The following RASGRF2 variants were observed in gnomAD, a reference collection of about 807,000 sequenced individuals.
The protein encoded by RASGRF2 is Ras protein specific guanine nucleotide releasing factor 2.
RASGRF2 carries 76 observed loss-of-function variants against 151.0 expected under a neutral mutation model. That is an observed-to-expected ratio of 0.50 (90% CI 0.42 to 0.61). The LOEUF (loss-of-function observed/expected upper bound fraction) is 0.61. Among genes scored for constraint, RASGRF2 ranks in the 20% least tolerant of loss-of-function variants. RASGRF2 has a pLI of 0.00. For synonymous variants in RASGRF2, 504 were observed against 566.5 expected (o/e 0.89, Z 1.57); for missense variants, 1,148 against 1,564.6 (o/e 0.73, Z 4.49).
intron 9 of RASGRF2, chr5:81,087,418 C>T: frequency 1.5e-6 from 1 of 679,360 alleles, no homozygotes. Flanking sequence ...ATCCGCCCCA[C>T]ACGATATAAT....
chr5:81,101,442 G>C (rs1156412593), intron 12 of RASGRF2, among the ~76,000 whole-genome samples: 1 of 151,240 alleles, frequency 6.6e-6, no homozygotes, highest in Non-Finnish European at 1.5e-5. Flanking sequence ...TTCTCTGGTT[G>C]AAATAAAATT....
intron 16 of RASGRF2, among the ~76,000 whole-genome samples, chr5:81,125,364 G>C (rs1307780427): frequency 2.0e-5 from 3 of 152,212 alleles, no homozygotes; most frequent in Admixed American, 2.0e-4. Flanking sequence ...TTAGATGTCT[G>C]CCTTTGTGGA....
At chr5:81,216,083 A>G (rs1755729056) in intron 24 of RASGRF2, 128 bp downstream of exon 24, 6 of 963,212 alleles carry the variant, frequency 6.2e-6, no homozygotes, top group African/African-American at 1.7e-5. Context: ...AACAACTTGT[A>G]TCATCTAGGT....
intron 18 of RASGRF2, among the ~76,000 whole-genome samples, chr5:81,184,280 T>G (rs1445382104): frequency 3.3e-5 from 5 of 152,182 alleles, no homozygotes; most frequent in Non-Finnish European, 7.3e-5. Flanking sequence ...ACATATCGTT[T>G]ACACAATTCC....
intron 17 of RASGRF2, among the ~76,000 whole-genome samples, chr5:81,176,991 G>T (rs1297068083): frequency 6.6e-6 from 1 of 152,092 alleles, no homozygotes; most frequent in African/African-American, 2.4e-5. Flanking sequence ...GTTTATGTGG[G>T]CGTCTCAGTT....
intron 2 of RASGRF2, among the ~76,000 whole-genome samples, chr5:81,051,481 C>G (rs1751009174): frequency 6.6e-6 from 1 of 152,180 alleles, no homozygotes; most frequent in African/African-American, 2.4e-5. Context: ...AGCTGTCACT[C>G]TCAATTCCCC....
intron 5 of RASGRF2, among the ~76,000 whole-genome samples, chr5:81,074,335 G>A (rs1461006445): frequency 6.6e-6 from 1 of 152,132 alleles, no homozygotes; most frequent in Non-Finnish European, 1.5e-5. Flanking sequence ...TGGGAGAAGG[G>A]GGTCAAGGGA....
intron 2 of RASGRF2, among the ~76,000 whole-genome samples, chr5:81,053,009 A>G (rs1311398471): frequency 6.6e-6 from 1 of 152,174 alleles, no homozygotes. Context: ...CCCATAAATT[A>G]GATTCTTAAG....
chr5:81,118,747 A>G (rs182971462), intron 15 of RASGRF2, among the ~76,000 whole-genome samples: 156 of 152,254 alleles, frequency 1.0e-3, no homozygotes, highest in African/African-American at 3.6e-3. Flanking sequence ...TTCCTCTTGC[A>G]TATATTTAAA....
chr5:81,123,053 G>A (rs566643873), intron 15 of RASGRF2, among the ~76,000 whole-genome samples: 2 of 152,252 alleles, frequency 1.3e-5, no homozygotes, highest in East Asian at 3.9e-4. Context: ...GCCACATGTG[G>A]CTGCTGAGCA....
At chr5:81,140,362 A>G (rs1753854763) in intron 17 of RASGRF2, among the ~76,000 whole-genome samples, 1 of 152,124 alleles carries the variant, frequency 6.6e-6, no homozygotes, top group Non-Finnish European at 1.5e-5. Flanking sequence ...TTTAAACATT[A>G]TTTCACTAAA....
intron 17 of RASGRF2, among the ~76,000 whole-genome samples, chr5:81,175,928 T>C (rs899822558): frequency 2.0e-5 from 3 of 152,192 alleles, no homozygotes; most frequent in African/African-American, 7.2e-5. Flanking sequence ...CTTGGGACAA[T>C]TTAGAAATGC....
intron 16 of RASGRF2, among the ~76,000 whole-genome samples, chr5:81,126,216 T>C (rs752923430): frequency 1.3e-5 from 2 of 152,132 alleles, no homozygotes; most frequent in Non-Finnish European, 2.9e-5. Flanking sequence ...GTCCGAGGAG[T>C]GAAAGGGACT....
At chr5:81,013,544 C>G (rs1351722547) in intron 1 of RASGRF2, among the ~76,000 whole-genome samples, 1 of 151,842 alleles carries the variant, frequency 6.6e-6, no homozygotes, top group Non-Finnish European at 1.5e-5. Context: ...ATCAAATCCT[C>G]TCTTGAATTT....
At position 80,983,613 on chromosome 5, in the gene RASGRF2, G is replaced by A. The variant is rs555898299; in HGVS notation, c.288+22587G>A. 5.9e-5 allele frequency among the ~76,000 whole-genome samples: 9 copies of A among 152,302 alleles called. No homozygotes were observed. The East Asian group carries it at 1.5e-3, about 26-fold the overall frequency. ...AAATATTTACTATCTTGCCCTTTAC[G>A]GAAAACATTTGCCAACCTCTGCTTT... On this transcript the variant is annotated intron_variant, in intron 1 of 26. Transcript: ENST00000265080.
At chr5:81,030,864 A>G (rs1750215509) in intron 1 of RASGRF2, among the ~76,000 whole-genome samples, 1 of 152,232 alleles carries the variant, frequency 6.6e-6, no homozygotes, top group Non-Finnish European at 1.5e-5. Flanking sequence ...GCAAATGGAT[A>G]AAGAGTCAAG....
intron 21 of RASGRF2, among the ~76,000 whole-genome samples, chr5:81,208,132 A>G (rs745584751): frequency 1.3e-5 from 2 of 152,214 alleles, no homozygotes; most frequent in African/African-American, 2.4e-5. Flanking sequence ...AAACATTTAT[A>G]AGAGAAAGCT....
At chr5:81,022,797 G>A (rs956873596) in intron 1 of RASGRF2, among the ~76,000 whole-genome samples, 15 of 151,988 alleles carry the variant, frequency 9.9e-5, no homozygotes, top group African/African-American at 3.6e-4. Flanking sequence ...GAGAGAAAGA[G>A]ACCTGCTATC....
intron 1 of RASGRF2, among the ~76,000 whole-genome samples, chr5:81,001,543 T>C (rs756505193): frequency 1.3e-5 from 2 of 152,192 alleles, no homozygotes; most frequent in Non-Finnish European, 2.9e-5. Flanking sequence ...AGATGCTTCT[T>C]GACACTCTTG....
Sources: gnomAD v4.1 joint callset for allele counts (sites outside exome capture counted in the v4.1 genomes callset) on GRCh38, gnomAD v4.1.1 for gene constraint, MANE v1.5 for transcripts, NCBI Gene and HGNC (gene_info 2026-07-23, HGNC 2026-07-21) for gene names.